PHACTR2: variants seen among roughly 807,000 people sequenced by gnomAD.
The protein encoded by PHACTR2 is phosphatase and actin regulator 2, also known as chromosome 6 open reading frame 56.
In PHACTR2, 30 loss-of-function variants were observed where a neutral mutation model predicts 76.0. That is an observed-to-expected ratio of 0.39 (90% CI 0.30 to 0.54). PHACTR2 has a LOEUF of 0.54. Among genes scored for constraint, PHACTR2 ranks in the 20% least tolerant of loss-of-function variants. The pLI is 0.61. For synonymous variants in PHACTR2, 292 were observed against 292.5 expected, an observed-to-expected ratio of 1.00 and a Z score of 0.02; for missense variants, 696 against 781.1, an observed-to-expected ratio of 0.89 and a Z score of 1.30.
chr6:143,657,639 G>A (rs1422153093), intron 1 of PHACTR2, among the ~76,000 whole-genome samples: 1 of 152,238 alleles, frequency 6.6e-6, no homozygotes, highest in African/African-American at 2.4e-5. Context: ...TCTTTTGAAA[G>A]GCAGGGAAAG....
At chr6:143,593,223 A>G (rs971407184) in intron 1 of PHACTR2, among the ~76,000 whole-genome samples, 1 of 152,132 alleles carries the variant, frequency 6.6e-6, no homozygotes, top group Admixed American at 6.6e-5. Context: ...CCCTGTCCTC[A>G]TAGGAAGTCC....
chr6:143,666,663 G>A (rs910374325), intron 1 of PHACTR2, among the ~76,000 whole-genome samples: 67 of 152,246 alleles, frequency 4.4e-4, no homozygotes, highest in African/African-American at 1.3e-3. Flanking sequence ...TTTGTTGGCC[G>A]CATAAATGTC....
intron 1 of PHACTR2, among the ~76,000 whole-genome samples, chr6:143,682,834 A>G (rs1011679544): frequency 3.3e-5 from 5 of 151,448 alleles, no homozygotes; most frequent in African/African-American, 1.2e-4. Flanking sequence ...GGGTTTCTTC[A>G]TAGGTTCACT....
rs892498492 is a variant in PHACTR2, at chr6:143,731,681, G to A, written c.215-17304G>A. Among the ~76,000 whole-genome samples, 1 of 152,162 alleles carries A rather than the reference G, an allele frequency of 6.6e-6. No individual in the cohort carries two copies. Among genetic ancestry groups the A allele is most frequent in the Non-Finnish European group, 1.5e-5 (1 of 68,028 alleles). ...AGGATTCATGGTATTGATCTGTAGT[G>A]TTCTTGCACTATCTTTGTCTAGGTT... On this transcript the variant is annotated intron_variant, in intron 2 of 12. Coordinates refer to ENST00000440869, the MANE Select transcript of PHACTR2 (RefSeq NM_001100164.2). The surrounding 1 kb of genome is among the most constrained non-coding windows in gnomAD (Gnocchi z 4.9).
chr6:143,592,616 C>T lies in PHACTR2; in HGVS notation c.217+55409C>T, dbSNP rs556497506. Among the ~76,000 whole-genome samples, 12 of 152,154 alleles carry T rather than the reference C, an allele frequency of 7.9e-5. No homozygotes were observed. The highest frequency in any genetic ancestry group is 1.3e-4 in the Non-Finnish European group (9 of 68,036). The stretch of plus-strand genomic sequence containing the variant: ...CTCTTTCCATTAACCTAGTAATGTC[C>T]TTCCCTCTGTCTGTCCATCTCATCG... On this transcript the variant is annotated intron_variant, in intron 1 of 11. Coordinates refer to the PHACTR2 transcript ENST00000367584. The surrounding 1 kb of genome is among the most constrained non-coding windows in gnomAD (Gnocchi z 4.0).
At chr6:143,594,987 T>C (rs1775732667) in intron 1 of PHACTR2, among the ~76,000 whole-genome samples, 1 of 152,238 alleles carries the variant, frequency 6.6e-6, no homozygotes, top group African/African-American at 2.4e-5. Context: ...TGAAGGAAGC[T>C]CTGAAATGAA....
At position 143,730,773 on chromosome 6, in the gene PHACTR2, A is replaced by T. The variant is rs553447284; in HGVS notation, c.215-18212A>T. Among the ~76,000 whole-genome samples, 33 of 152,260 alleles carry T rather than the reference A, an allele frequency of 2.2e-4. No homozygotes were observed. The highest frequency in any genetic ancestry group is 4.1e-4 in the Non-Finnish European group (28 of 68,018). ...GTGTGTGTTTGTTTGTTTGAGACGGAGTCTTGCTCTGTGGCCCAGGCTGGA... is the reference window on the plus strand; with the variant it reads ...GTGTGTGTTTGTTTGTTTGAGACGGTGTCTTGCTCTGTGGCCCAGGCTGGA... On this transcript the variant is annotated intron_variant, in intron 2 of 12. Coordinates refer to ENST00000440869, the MANE Select transcript of PHACTR2 (RefSeq NM_001100164.2). This position sits in a 1 kb window ranked among gnomAD's most constrained non-coding sequence, Gnocchi z 4.8.
chr6:143,567,561 G>C (rs533982526), intron 1 of PHACTR2, among the ~76,000 whole-genome samples: 1 of 152,278 alleles, frequency 6.6e-6, no homozygotes, highest in South Asian at 2.1e-4. Flanking sequence ...GCCGCGCCTG[G>C]TGAATTTTTG....
At position 143,783,669 on chromosome 6, in the gene PHACTR2, A is replaced by G. The variant is rs1775485248; in HGVS notation, c.1707+389A>G. Reference sequence around the variant, plus strand: ...AACAAATCAATATAATGCACATGCTATGAGTGATGTTTCTGATTGTGTGTT... The same window carrying G: ...AACAAATCAATATAATGCACATGCTGTGAGTGATGTTTCTGATTGTGTGTT... On this transcript the variant is annotated intron_variant, in intron 10 of 12. Coordinates refer to ENST00000440869, the MANE Select transcript of PHACTR2 (RefSeq NM_001100164.2). The surrounding 1 kb of genome is among the most constrained non-coding windows in gnomAD (Gnocchi z 5.2). 6.6e-6 allele frequency among the ~76,000 whole-genome samples: 1 copy of G among 152,212 alleles called. No individual in the cohort carries two copies. The highest frequency in any genetic ancestry group is 1.9e-4 in the East Asian group (1 of 5,200).
Position 143,777,683 on chromosome 6 carries a change from A to G in PHACTR2, c.1645+300A>G, listed in dbSNP as rs552692999. Among the ~76,000 whole-genome samples the G allele has an allele frequency of 2.6e-5, 4 of 152,352 alleles. No individual in the cohort carries two copies. The highest frequency in any genetic ancestry group is 2.9e-5 in the Non-Finnish European group (2 of 68,038). On this transcript the variant is annotated intron_variant, in intron 9 of 12. Coordinates refer to ENST00000440869, the MANE Select transcript of PHACTR2 (RefSeq NM_001100164.2). This position sits in a 1 kb window ranked among gnomAD's most constrained non-coding sequence, Gnocchi z 4.6. Reference sequence around the variant, plus strand: ...GTATTCTTTCACCCAAATATTAAATAGAAAAAGAATGCTCTAGTCTTCTCG... The same window carrying G: ...GTATTCTTTCACCCAAATATTAAATGGAAAAAGAATGCTCTAGTCTTCTCG...
At position 143,678,363 on chromosome 6, in the gene PHACTR2, T is replaced by C. The variant is rs1335784509; in HGVS notation, c.46+154T>C. On this transcript the variant is annotated intron_variant, in intron 1 of 12. Transcript: ENST00000440869. This position sits in a 1 kb window ranked among gnomAD's most constrained non-coding sequence, Gnocchi z 6.2. Reference sequence around the variant, plus strand: ...CCAGAGGTAGCGCTCGCCAAACTCTTTGTCGTGAAAGAGGAATGCCTTTTG... The same window carrying C: ...CCAGAGGTAGCGCTCGCCAAACTCTCTGTCGTGAAAGAGGAATGCCTTTTG... Among the ~76,000 whole-genome samples the C allele has an allele frequency of 1.3e-5, 2 of 152,120 alleles. No homozygotes were observed. The highest frequency in any genetic ancestry group is 6.5e-5 in the Admixed American group (1 of 15,274).
Position 143,608,975 on chromosome 6 carries a change from A to G in PHACTR2, c.13+653A>G, listed in dbSNP as rs1247742093. Reference sequence around the variant, plus strand: ...TATCAGGTGGAACTTTTTTCTTTTTACTTTGCTGTATTGAACTTTTAGAGG... The same window carrying G: ...TATCAGGTGGAACTTTTTTCTTTTTGCTTTGCTGTATTGAACTTTTAGAGG... On this transcript the variant is annotated intron_variant, in intron 1 of 11. Transcript: ENST00000305766. The surrounding 1 kb of genome is among the most constrained non-coding windows in gnomAD (Gnocchi z 4.6). Among the ~76,000 whole-genome samples, 1 of 152,108 alleles carries G rather than the reference A, an allele frequency of 6.6e-6. No homozygotes were observed. The highest frequency in any genetic ancestry group is 1.5e-5 in the Non-Finnish European group (1 of 68,010).
At chr6:143,681,915 C>A (rs1160670039) in intron 1 of PHACTR2, among the ~76,000 whole-genome samples, 1 of 152,244 alleles carries the variant, frequency 6.6e-6, no homozygotes, top group African/African-American at 2.4e-5. Context: ...TCTGGATTCT[C>A]AATTCTGCTC....
intron 1 of PHACTR2, among the ~76,000 whole-genome samples, chr6:143,681,595 GAGC>G (rs1371220317): frequency 2.0e-5 from 3 of 152,050 alleles, no homozygotes; most frequent in East Asian, 1.9e-4. Context: ...TTTTGATGAT[GAGC>G]AGTTTATCAA....
chr6:143,717,654 C>T (rs1377212845), intron 2 of PHACTR2, among the ~76,000 whole-genome samples: 2 of 151,912 alleles, frequency 1.3e-5, no homozygotes, highest in Non-Finnish European at 2.9e-5. Context: ...TCACTGCATC[C>T]TCAACCTCCC....
chr6:143,686,654 A>C (rs1024825382), intron 1 of PHACTR2, among the ~76,000 whole-genome samples: 1 of 151,742 alleles, frequency 6.6e-6, no homozygotes, highest in Non-Finnish European at 1.5e-5. Context: ...TGCCCAGCTA[A>C]TTTTTGTATT....
At chr6:143,768,097 A>G (rs1279237504) in intron 6 of PHACTR2, among the ~76,000 whole-genome samples, 1 of 152,166 alleles carries the variant, frequency 6.6e-6, no homozygotes, top group Non-Finnish European at 1.5e-5. Context: ...CAGCCTTCCA[A>G]AGTGCTGGGA....
intron 1 of PHACTR2, among the ~76,000 whole-genome samples, chr6:143,560,037 T>C (rs114248521): frequency 6.7e-4 from 102 of 152,198 alleles, no homozygotes; most frequent in Middle Eastern, 3.4e-3. Context: ...AAAACAAAAA[T>C]TGAGAGTAGG....
rs1582899812 is a variant in PHACTR2, at chr6:143,806,396, C to T, written c.1846-661C>T. On this transcript the variant is annotated intron_variant, in intron 11 of 12. Transcript: ENST00000440869. The surrounding 1 kb of genome is among the most constrained non-coding windows in gnomAD (Gnocchi z 5.8). ...AACTGCTTTCTCTGTAGCTCTCTGGCAGCTAGTCAAAGCCATGTTGTTGTA... is the reference window on the plus strand; with the variant it reads ...AACTGCTTTCTCTGTAGCTCTCTGGTAGCTAGTCAAAGCCATGTTGTTGTA... Among the ~76,000 whole-genome samples the T allele has an allele frequency of 6.6e-6, 1 of 152,194 alleles. No homozygotes were observed. Among genetic ancestry groups the T allele is most frequent in the African/African-American group, 2.4e-5 (1 of 41,448 alleles).
Sources: allele counts gnomAD v4.1 joint callset (sites outside exome capture counted in the v4.1 genomes callset), GRCh38; gene constraint gnomAD v4.1.1; non-coding constraint Gnocchi (gnomAD v3.1); transcripts MANE v1.5; gene names NCBI Gene and HGNC (gene_info 2026-07-23, HGNC 2026-07-21).